The following SLC35F3 variants were observed in gnomAD, a reference collection of about 807,000 sequenced individuals.
SLC35F3 encodes solute carrier family 35 member F3, also known as putative thiamine transporter SLC35F3.
A neutral mutation model predicts 49.9 loss-of-function variants in SLC35F3; 25 were observed. The observed-to-expected ratio is 0.50, with a 90% CI of 0.37 to 0.70. The LOEUF is 0.70. Ranked by LOEUF, SLC35F3 falls within the 30% of genes least tolerant of loss-of-function variation. The pLI is 0.00. For missense variants in SLC35F3, 525 were observed against 639.8 expected, an observed-to-expected ratio of 0.82 and a Z score of 1.94; for synonymous variants, 275 against 265.4, an observed-to-expected ratio of 1.04 and a Z score of -0.35.
At chr1:234,125,388 C>G (rs944928198) in intron 2 of SLC35F3, among the ~76,000 whole-genome samples, 1 of 152,164 alleles carries the variant, frequency 6.6e-6, no homozygotes, top group Admixed American at 6.6e-5. Flanking sequence ...CCCGGGCTGA[C>G]GGATCATCCC....
intron 2 of SLC35F3, among the ~76,000 whole-genome samples, chr1:234,208,197 A>G (rs977244841): frequency 2.0e-5 from 3 of 152,226 alleles, no homozygotes; most frequent in Non-Finnish European, 4.4e-5. Flanking sequence ...GGCATTTTCC[A>G]TGCTCTGTCG....
intron 3 of SLC35F3, among the ~76,000 whole-genome samples, chr1:234,234,872 A>G (rs1237589139): frequency 6.6e-6 from 1 of 152,204 alleles, no homozygotes; most frequent in Non-Finnish European, 1.5e-5. Context: ...TGTATATGAA[A>G]GCGCCCTATA....
intron 2 of SLC35F3, among the ~76,000 whole-genome samples, chr1:233,948,154 C>T (rs1183221190): frequency 6.7e-6 from 1 of 149,902 alleles, no homozygotes; most frequent in Non-Finnish European, 1.5e-5. Flanking sequence ...TCCCACAGGG[C>T]ATGTGTCCAT....
At chr1:233,924,352 T>G (rs1332135427) in intron 2 of SLC35F3, among the ~76,000 whole-genome samples, 5 of 152,242 alleles carry the variant, frequency 3.3e-5, no homozygotes, top group African/African-American at 4.8e-5. Flanking sequence ...GGGATTCAAC[T>G]TCTTCCTGGT....
chr1:234,106,987 T>A (rs1312573824), intron 2 of SLC35F3, among the ~76,000 whole-genome samples: 1 of 152,244 alleles, frequency 6.6e-6, no homozygotes, highest in Non-Finnish European at 1.5e-5. Flanking sequence ...CCATTGGCAA[T>A]ATTAACACAA....
chr1:233,996,356 G>A (rs1438922238), intron 2 of SLC35F3, among the ~76,000 whole-genome samples: 1 of 152,116 alleles, frequency 6.6e-6, no homozygotes, highest in Non-Finnish European at 1.5e-5. Context: ...TACGGGAATG[G>A]AGCATCCTCG....
rs199881248 is a variant in SLC35F3 at position 234,318,731 on chromosome 1, T to C, written c.955-20T>C. 482 of 1,610,078 alleles carry C rather than the reference T, an allele frequency of 3.0e-4. 1 individual carries two copies. The highest frequency in any genetic ancestry group is 9.9e-4 in the Middle Eastern group (6 of 6,036). ...TCTGAGGTGAGCCTTCACCCCGTCCTCCTCTGCTTTCTCCTACAGGTTTTG... is the reference window on the plus strand; with the variant it reads ...TCTGAGGTGAGCCTTCACCCCGTCCCCCTCTGCTTTCTCCTACAGGTTTTG... On this transcript the variant is annotated intron_variant, in intron 5 of 7. Transcript: ENST00000366618.
At chr1:234,244,985 C>A (rs1667609890) in intron 3 of SLC35F3, among the ~76,000 whole-genome samples, 1 of 152,126 alleles carries the variant, frequency 6.6e-6, no homozygotes, top group African/African-American at 2.4e-5. Context: ...CATGTCCTCT[C>A]TTCTCATTAG....
chr1:234,052,253 G>T (rs1399977006), intron 2 of SLC35F3, among the ~76,000 whole-genome samples: 2 of 152,184 alleles, frequency 1.3e-5, no homozygotes, highest in African/African-American at 4.8e-5. Context: ...ATTTGGCTGT[G>T]AATCCGTCTG....
chr1:233,974,986 T>C (rs1237997911), intron 2 of SLC35F3, among the ~76,000 whole-genome samples: 1 of 152,216 alleles, frequency 6.6e-6, no homozygotes, highest in Admixed American at 6.5e-5. Context: ...AGATAAGCTA[T>C]GTAGTTCAGG....
intron 2 of SLC35F3, among the ~76,000 whole-genome samples, chr1:234,041,798 A>G (rs970688110): frequency 1.3e-5 from 2 of 152,196 alleles, no homozygotes; most frequent in African/African-American, 2.4e-5. Flanking sequence ...AGTACCCAGC[A>G]TGGTGCAAAA....
At chr1:234,071,994 T>C (rs538379271) in intron 2 of SLC35F3, among the ~76,000 whole-genome samples, 3 of 152,346 alleles carry the variant, frequency 2.0e-5, no homozygotes, top group African/African-American at 7.2e-5. Flanking sequence ...GTTGCTTGAA[T>C]TGGGAATGAG....
intron 2 of SLC35F3, among the ~76,000 whole-genome samples, chr1:234,136,921 G>T (rs1021285385): frequency 2.6e-5 from 4 of 152,212 alleles, no homozygotes; most frequent in Non-Finnish European, 4.4e-5. Context: ...TTAAAATAAT[G>T]CATGTATCTC....
At position 233,946,740 on chromosome 1, in the gene SLC35F3, G is replaced by A. The variant is rs114801525; in HGVS notation, c.283+40982G>A. On this transcript the variant is annotated intron_variant, in intron 2 of 7. Transcript: ENST00000366618. ...ATGGTAACCACTGAACTGACTGTGC[G>A]TGCACCTGAGGTGAAATGGGCACTG... Among the ~76,000 whole-genome samples the A allele has an allele frequency of 2.8e-3, 432 of 152,336 alleles. 3 individuals carry two copies. The highest frequency in any genetic ancestry group is 1.0e-2 in the African/African-American group (414 of 41,580).
intron 2 of SLC35F3, among the ~76,000 whole-genome samples, chr1:234,146,565 C>T (rs1666000605): frequency 7.3e-6 from 1 of 136,392 alleles, no homozygotes; most frequent in African/African-American, 2.8e-5. Flanking sequence ...GATCTCTGCT[C>T]ACTGCAACCT....
chr1:233,906,923 T>C (rs1571973731), intron 2 of SLC35F3, among the ~76,000 whole-genome samples: 1 of 152,230 alleles, frequency 6.6e-6, no homozygotes, highest in Admixed American at 6.5e-5. Flanking sequence ...CTGTGTTTCA[T>C]TGGGTATAAG....
At chr1:234,126,966 G>T (rs1264172291) in intron 2 of SLC35F3, among the ~76,000 whole-genome samples, 2 of 152,094 alleles carry the variant, frequency 1.3e-5, no homozygotes, top group Non-Finnish European at 2.9e-5. Context: ...CAAAGCACTG[G>T]GATTACAGGC....
chr1:234,047,464 T>G (rs1453654077), intron 2 of SLC35F3, among the ~76,000 whole-genome samples: 1 of 152,228 alleles, frequency 6.6e-6, no homozygotes, highest in Admixed American at 6.5e-5. Flanking sequence ...GGAATTCCTC[T>G]TGCCTGACTG....
intron 2 of SLC35F3, among the ~76,000 whole-genome samples, chr1:234,154,034 C>A (rs1461535802): frequency 6.6e-6 from 1 of 151,362 alleles, no homozygotes; most frequent in African/African-American, 2.4e-5. Flanking sequence ...TGCACTCCAG[C>A]CTGGGCAACA....
Sources: allele counts gnomAD v4.1 joint callset (sites outside exome capture counted in the v4.1 genomes callset), GRCh38; gene constraint gnomAD v4.1.1; transcripts MANE v1.5; gene names NCBI Gene and HGNC (gene_info 2026-07-23, HGNC 2026-07-21).